Variants in NEK10 observed in about 807,000 individuals in gnomAD.
NEK10 encodes the protein serine/threonine-protein kinase Nek10.
A neutral mutation model predicts 159.8 loss-of-function variants in NEK10; 122 were observed. That is an observed-to-expected ratio of 0.76 (90% CI 0.66 to 0.89). The LOEUF (loss-of-function observed/expected upper bound fraction) is 0.89. Among genes scored for constraint, NEK10 ranks in the 40% least tolerant of loss-of-function variants. The probability of loss-of-function intolerance (pLI) is 0.00; values close to 1 mark genes in which losing one functional copy is unlikely to be tolerated. For missense variants in NEK10, 1,342 were observed against 1,323.1 expected (o/e 1.01, Z -0.22); for synonymous variants, 466 against 457.1 (o/e 1.02, Z -0.25).
chr3:27,290,521 G>A, intron 19 of NEK10, 96 bp downstream of exon 19: 1 of 900,368 alleles, frequency 1.1e-6, no homozygotes, highest in Non-Finnish European at 1.6e-6. Flanking sequence ...CATGGAACTA[G>A]TTCATAAGCA....
chr3:27,125,460 G>A (rs913221766), intron 32 of NEK10, among the ~76,000 whole-genome samples: 1 of 152,050 alleles, frequency 6.6e-6, no homozygotes, highest in African/African-American at 2.4e-5. Context: ...CTCTGCACTC[G>A]CCAGTCTTCT....
intron 5 of NEK10, among the ~76,000 whole-genome samples, chr3:27,330,553 T>C (rs1481248163): frequency 3.3e-5 from 5 of 152,238 alleles, no homozygotes; most frequent in African/African-American, 1.2e-4. Flanking sequence ...CTAAGGGTGG[T>C]ATAAATAGTA....
At chr3:27,117,711 A>G (rs190469249) in intron 33 of NEK10, among the ~76,000 whole-genome samples, 1 of 152,116 alleles carries the variant, frequency 6.6e-6, no homozygotes, top group Non-Finnish European at 1.5e-5. Context: ...TTCCTTGCAG[A>G]TTCTGGATAT....
intron 26 of NEK10, among the ~76,000 whole-genome samples, chr3:27,183,107 A>G (rs1948282975): frequency 6.6e-6 from 1 of 152,056 alleles, no homozygotes; most frequent in Non-Finnish European, 1.5e-5. Flanking sequence ...CAAATGATAA[A>G]TGTTGGAGGT....
In NEK10 at chr3:27,346,132, C is replaced by A. The variant is rs1223979298; in HGVS notation, c.217G>T (p.Gly73Cys). Reference sequence around the variant, plus strand: ...GCTTCTGTGGATTCATGCCACTGACCCCGAGCTCTGTGTCCACCCGCCCTG... The same window carrying A: ...GCTTCTGTGGATTCATGCCACTGACACCGAGCTCTGTGTCCACCCGCCCTG... Reference protein sequence around the residue: ...AIRAGGHRARGQWHESTEAVE... With the variant: ...AIRAGGHRARCQWHESTEAVE... The change falls in exon 4 of 36, where the codon GGT becomes TGT. Residue 73 changes from glycine to cysteine, a missense_variant. Physicochemically the swap from Gly to Cys is radical, Grantham distance 159 (BLOSUM62 -3). Transcript: ENST00000691995. The A allele has an allele frequency of 6.2e-7, 1 of 1,613,706 alleles. No homozygotes were observed. The highest frequency in any genetic ancestry group is 1.1e-5 in the South Asian group (1 of 91,080).
chr3:27,150,702 G>T (rs1401320958), intron 30 of NEK10, among the ~76,000 whole-genome samples: 1 of 152,122 alleles, frequency 6.6e-6, no homozygotes, highest in Non-Finnish European at 1.5e-5. Context: ...CATCCATTCT[G>T]CAGTCCAATG....
chr3:27,167,785 A>T (rs1946614760), intron 29 of NEK10, among the ~76,000 whole-genome samples: 1 of 152,252 alleles, frequency 6.6e-6, no homozygotes, highest in South Asian at 2.1e-4. Context: ...TTCCTTAAAA[A>T]AAGTTTTATC....
intron 23 of NEK10, among the ~76,000 whole-genome samples, chr3:27,232,073 T>C (rs2218472): frequency 0.27 from 40,220 of 151,662 alleles, 5,491 homozygotes; most frequent in Middle Eastern, 0.38. Flanking sequence ...TGAATATAGA[T>C]GGAAAACTTC....
At chr3:27,297,130 T>G (rs771652434) in intron 14 of NEK10, 49 bp downstream of exon 14, 1 of 1,218,344 alleles carries the variant, frequency 8.2e-7, no homozygotes, top group Non-Finnish European at 1.2e-6. Flanking sequence ...CAAGGTGAGT[T>G]GATTATGAAT....
At chr3:27,293,564 A>G (rs2043151354) in intron 16 of NEK10, 24 bp downstream of exon 16, 3 of 1,257,056 alleles carry the variant, frequency 2.4e-6, no homozygotes, top group Non-Finnish European at 3.4e-6. Context: ...CCTAATGATC[A>G]CTTATATTTC....
chr3:27,204,390 T>A (rs7640292), intron 23 of NEK10, among the ~76,000 whole-genome samples: 7,456 of 115,658 alleles, frequency 0.064, 993 homozygotes, highest in African/African-American at 0.25. Context: ...ACATGTGCCA[T>A]GCTGGTGCGC....
intron 1 of NEK10, among the ~76,000 whole-genome samples, chr3:27,355,587 T>G (rs754933235): frequency 3.9e-5 from 6 of 152,052 alleles, no homozygotes; most frequent in Non-Finnish European, 7.4e-5. Context: ...TTCCCTTCTT[T>G]CCACTCCTAC....
At chr3:27,362,257 G>A (rs2048742761) in intron 1 of NEK10, among the ~76,000 whole-genome samples, 1 of 152,172 alleles carries the variant, frequency 6.6e-6, no homozygotes, top group Admixed American at 6.5e-5. Context: ...GATGAGTTGA[G>A]CTGGAGCTAA....
intron 3 of NEK10, among the ~76,000 whole-genome samples, chr3:27,348,202 G>T (rs2047705175): frequency 6.6e-6 from 1 of 152,112 alleles, no homozygotes; most frequent in Non-Finnish European, 1.5e-5. Flanking sequence ...AAAGAAGTAG[G>T]TTTTCCAGGC....
chr3:27,115,338 T>A (rs1272271580), intron 35 of NEK10, among the ~76,000 whole-genome samples: 6 of 152,146 alleles, frequency 3.9e-5, no homozygotes, highest in African/African-American at 1.4e-4. Flanking sequence ...TTTCCAAAAC[T>A]AAAATTATAA....
chr3:27,191,822 T>A (rs1949145502), intron 26 of NEK10, among the ~76,000 whole-genome samples: 1 of 152,204 alleles, frequency 6.6e-6, no homozygotes, highest in East Asian at 1.9e-4. Flanking sequence ...TAAAATAAAT[T>A]ATGGATTCAT....
Position 27,343,755 on chromosome 3 carries a change from T to A in NEK10, c.362+517A>T, listed in dbSNP as rs148411403. ...AGAATCCAGAGGACTTGTTAACTAA[T>A]CCTTCCTCTACAGTCCCAACACTGC... On this transcript the variant is annotated intron_variant, in intron 5 of 35. Coordinates refer to ENST00000691995, the MANE Select transcript of NEK10 (RefSeq NM_001394966.1). Among the ~76,000 whole-genome samples, 884 of 152,250 alleles carry A rather than the reference T, an allele frequency of 5.8e-3. 6 individuals carry two copies. The highest frequency in any genetic ancestry group is 0.02 in the African/African-American group (848 of 41,534).
intron 6 of NEK10, among the ~76,000 whole-genome samples, chr3:27,315,143 C>A (rs971121423): frequency 6.6e-6 from 1 of 152,160 alleles, no homozygotes; most frequent in Admixed American, 6.5e-5. Context: ...CTTTAACCTG[C>A]TTAATTACAT....
intron 22 of NEK10, among the ~76,000 whole-genome samples, chr3:27,274,230 C>T (rs1216596194): frequency 6.6e-6 from 1 of 152,134 alleles, no homozygotes; most frequent in African/African-American, 2.4e-5. Context: ...TGTTTCTCAA[C>T]AGCATCATTA....
Sources: allele counts gnomAD v4.1 joint callset (sites outside exome capture counted in the v4.1 genomes callset), GRCh38; gene constraint gnomAD v4.1.1; transcripts MANE v1.5; gene names NCBI Gene and HGNC (gene_info 2026-07-23, HGNC 2026-07-21).